Variants in WNK2 observed in about 807,000 individuals in gnomAD.
WNK2 encodes the protein WNK lysine deficient protein kinase 2, also known as serine/threonine-protein kinase WNK2.
A neutral mutation model predicts 192.1 loss-of-function variants in WNK2; 67 were observed. The ratio of observed to expected loss-of-function variants is 0.35; its 90% confidence interval spans 0.29 to 0.43. The LOEUF (loss-of-function observed/expected upper bound fraction) is 0.43. Among genes scored for constraint, WNK2 ranks in the 20% least tolerant of loss-of-function variants. WNK2 has a pLI of 1.00. For synonymous variants in WNK2, 1,439 were observed against 1,393.9 expected, an observed-to-expected ratio of 1.03 and a Z score of -0.72; for missense variants, 2,698 against 3,089.7, an observed-to-expected ratio of 0.87 and a Z score of 3.01.
intron 1 of WNK2, 111 bp from the exon 2 acceptor site, chr9:93,184,817 C>A (rs1397005025): frequency 1.0e-6 from 1 of 1,001,478 alleles, no homozygotes; most frequent in Non-Finnish European, 1.3e-6. Context: ...GCTCTCTCCG[C>A]GGCCGGGGCT....
At chr9:93,318,023 C>T in intron 29 of WNK2, 1 of 1,612,748 alleles carries the variant, frequency 6.2e-7, no homozygotes, top group Non-Finnish European at 8.5e-7. Flanking sequence ...CCTGTTCGCT[C>T]CTAGGTTCCT....
At position 93,274,332 on chromosome 9, in the gene WNK2, G is replaced by A. The variant is rs369355788; in HGVS notation, c.4033+5586G>A. ...TCGAGACCATCCTGGCTAACACGGT[G>A]AAACCCCGTCTCTACTAAAAGTACA... On this transcript the variant is annotated intron_variant, in intron 19 of 29. Coordinates refer to ENST00000427277, the MANE Select transcript of WNK2 (RefSeq NM_006648.4). 5.9e-5 allele frequency among the ~76,000 whole-genome samples: 9 copies of A among 152,208 alleles called. No homozygotes were observed. The South Asian group carries it at 1.2e-3, about 21-fold the overall frequency.
intron 2 of WNK2, among the ~76,000 whole-genome samples, chr9:93,227,392 T>C (rs1198289699): frequency 6.6e-6 from 1 of 152,046 alleles, no homozygotes. Context: ...GGATTACAGG[T>C]GTGAGCCACC....
At chr9:93,223,372 G>A (rs1313829130) in intron 2 of WNK2, among the ~76,000 whole-genome samples, 1 of 152,260 alleles carries the variant, frequency 6.6e-6, no homozygotes, top group South Asian at 2.1e-4. Context: ...AGACCTGCCC[G>A]TGCCTTAGGT....
chr9:93,264,376 T>C (rs921339903), intron 16 of WNK2, among the ~76,000 whole-genome samples: 10 of 152,178 alleles, frequency 6.6e-5, no homozygotes, highest in African/African-American at 2.4e-4. Flanking sequence ...TCTGATGTCC[T>C]GTGGTCCTTG....
rs139002740 is a variant in WNK2 at position 93,207,279 on chromosome 9, A to G, written c.681+21669A>G. 3.4e-3 allele frequency among the ~76,000 whole-genome samples: 512 copies of G among 152,294 alleles called. 2 individuals carry two copies. Among genetic ancestry groups the G allele is most frequent in the African/African-American group, 0.012 (493 of 41,568 alleles). On this transcript the variant is annotated intron_variant, in intron 2 of 29. Transcript: ENST00000427277. ...CATATATCCTTTACCTTGTTCTAAA[A>G]TACTCAGGCTCGGATAGCACTCCTA...
rs1474169530 is a variant in WNK2 at position 93,185,573 on chromosome 9, C to T, written c.644C>T (p.Thr215Met). ...AAGACGGTCTACAAGGGGCTGGACACGGAGACCTGGGTGGAGGTGGCCTGG... is the reference window on the plus strand; with the variant it reads ...AAGACGGTCTACAAGGGGCTGGACATGGAGACCTGGGTGGAGGTGGCCTGG... ...SFKTVYKGLD[T>M]ETWVEVAWCE... Residue 215 changes from threonine (T) to methionine (M), a missense_variant, in exon 2 of 30, where the codon ACG becomes ATG. By Grantham distance (81) the Thr-to-Met change is moderately conservative. Coordinates refer to ENST00000427277, the MANE Select transcript of WNK2 (RefSeq NM_006648.4). 6.2e-7 allele frequency: 1 copy of T among 1,612,588 alleles called. No individual in the cohort carries two copies. Among genetic ancestry groups the T allele is most frequent in the Non-Finnish European group, 8.5e-7 (1 of 1,179,446 alleles).
chr9:93,292,175 T>C (rs1849466247), intron 21 of WNK2, 133 bp from the exon 22 acceptor site: 1 of 864,578 alleles, frequency 1.2e-6, no homozygotes. Context: ...CTCCTCCCAG[T>C]ACCCACTTCC....
intron 4 of WNK2, among the ~76,000 whole-genome samples, chr9:93,232,964 C>CGAAA (rs1839102938): frequency 1.2e-5 from 1 of 81,976 alleles, no homozygotes; most frequent in Non-Finnish European, 2.2e-5. Context: ...CCTGTCTCTA[C>CGAAA]AAAAAAAAAA....
Position 93,234,980 on chromosome 9 carries a change from C to T in WNK2, c.1233+15C>T. The stretch of plus-strand genomic sequence containing the variant: ...AGGTCACCTGTGTGAGTCCACCTGG[C>T]CCCTTGGTTAATTAATAAGGACACA... On this transcript the variant is annotated intron_variant, in intron 5 of 29. Transcript: ENST00000427277. 6.2e-7 allele frequency: 1 copy of T among 1,613,700 alleles called. No homozygotes were observed. The highest frequency in any genetic ancestry group is 1.1e-5 in the South Asian group (1 of 91,022).
intron 8 of WNK2, among the ~76,000 whole-genome samples, chr9:93,251,739 T>C (rs923143267): frequency 6.6e-5 from 10 of 152,128 alleles, no homozygotes; most frequent in African/African-American, 1.9e-4. Context: ...GCTACACATA[T>C]GGTTAGAATT....
intron 19 of WNK2, among the ~76,000 whole-genome samples, chr9:93,284,737 C>A (rs768119500): frequency 6.6e-6 from 1 of 152,166 alleles, no homozygotes; most frequent in Non-Finnish European, 1.5e-5. Flanking sequence ...TAGGACCCAA[C>A]CTGCAGCCCA....
rs571885764 is a variant in WNK2 at position 93,301,579 on chromosome 9, G to A, written c.6214+1430G>A. 4.6e-5 allele frequency among the ~76,000 whole-genome samples: 7 copies of A among 152,266 alleles called. No individual in the cohort carries two copies. In the South Asian group the frequency reaches 6.2e-4, roughly 14 times the overall value. On this transcript the variant is annotated intron_variant, in intron 26 of 29. Transcript: ENST00000427277. ...GAGTTGAATCTGGGGAGGAGTGGGC[G>A]CCTTCCCCCCCACCCCTGCGTCTCT... is the stretch of plus-strand genomic sequence containing the variant.
At chr9:93,240,690 CA>C (rs1340873026) in intron 7 of WNK2, among the ~76,000 whole-genome samples, 3 of 152,078 alleles carry the variant, frequency 2.0e-5, no homozygotes, top group East Asian at 1.9e-4. Context: ...CTGACGATGC[CA>C]GGGGGTCAGC....
chr9:93,292,388 G>T lies in WNK2; in HGVS notation c.5017G>T (p.Val1673Phe). 2 of 1,613,952 alleles carry T rather than the reference G, an allele frequency of 1.2e-6. No homozygotes were observed. The highest frequency in any genetic ancestry group is 8.5e-7 in the Non-Finnish European group (1 of 1,179,874). Reference sequence around the variant, plus strand: ...CTCAGACTCCCATGTGGTCCCCAGCGTCCCCCAGGTAAGGGCGACTTGACG... The same window carrying T: ...CTCAGACTCCCATGTGGTCCCCAGCTTCCCCCAGGTAAGGGCGACTTGACG... ...VASDSHVVPS[V>F]PQDVPAFVRP... Residue 1673 changes from valine (V) to phenylalanine (F), a missense_variant, in exon 22 of 30, where the codon GTC (valine) becomes TTC (phenylalanine). This residue lies in a region of WNK2 where 1,098 missense variants were observed against 1,101.0 expected (regional missense o/e 1.00). Transcript: ENST00000427277.
At chr9:93,230,275 G>A (rs1277092958) in intron 3 of WNK2, among the ~76,000 whole-genome samples, 3 of 152,148 alleles carry the variant, frequency 2.0e-5, no homozygotes, top group Non-Finnish European at 4.4e-5. Context: ...GTGGGGATGA[G>A]GTGCTGCCTG....
intron 2 of WNK2, among the ~76,000 whole-genome samples, chr9:93,218,409 G>A (rs1253596393): frequency 1.3e-5 from 2 of 152,160 alleles, no homozygotes; most frequent in African/African-American, 4.8e-5. Context: ...GTGGTCAGAT[G>A]CAGGGGTGGC....
rs994609730 is a variant in WNK2 at position 93,292,701 on chromosome 9, G to C, written c.5236G>C (p.Gly1746Arg). Residue 1746 changes from glycine to arginine, a missense_variant, in exon 23 of 30, where the codon GGC becomes CGC. This residue lies in a region of WNK2 where 1,098 missense variants were observed against 1,101.0 expected (regional missense o/e 1.00). Coordinates refer to ENST00000427277, the MANE Select transcript of WNK2 (RefSeq NM_006648.4). ...TGTCAGCTCACCAGCCAAGACTGTGGGCCGTTTCTCGGTGGTCAGCACTCA... is the reference window on the plus strand; with the variant it reads ...TGTCAGCTCACCAGCCAAGACTGTGCGCCGTTTCTCGGTGGTCAGCACTCA... ...QDVSSPAKTV[G>R]RFSVVSTQDE... is the part of the protein sequence containing the mutation. 6 of 1,568,806 alleles carry C rather than the reference G, an allele frequency of 3.8e-6. No individual in the cohort carries two copies. Among genetic ancestry groups the C allele is most frequent in the Non-Finnish European group, 5.2e-6 (6 of 1,158,052 alleles).
rs752622119 is a variant in WNK2 at position 93,299,064 on chromosome 9, G to A, written c.5924-6G>A. 48 of 1,608,002 alleles carry A rather than the reference G, an allele frequency of 3.0e-5. No individual in the cohort carries two copies. In the Admixed American group the frequency reaches 4.3e-4, roughly 15 times the overall value. On this transcript the variant is annotated splice_region_variant and splice_polypyrimidine_tract_variant and intron_variant, in intron 24 of 29. Transcript: ENST00000427277. ...CGTGCCTGTCGCCTCTTCTCCCCCC[G>A]CCCAGGTCACTTGGCTGACTCCAGC... is the stretch of plus-strand genomic sequence containing the variant.
Sources: gnomAD v4.1 joint callset for allele counts (sites outside exome capture counted in the v4.1 genomes callset) on GRCh38, gnomAD v4.1.1 for gene constraint, gnomAD v4.1.1 regional missense constraint, MANE v1.5 for transcripts, NCBI Gene and HGNC (gene_info 2026-07-23, HGNC 2026-07-21) for gene names.